The following RNF180 variants were observed in gnomAD, a reference collection of about 807,000 sequenced individuals.
RNF180 encodes ring finger protein 180.
In RNF180, 38 loss-of-function variants were observed where a neutral mutation model predicts 59.2. The ratio of observed to expected loss-of-function variants is 0.64; its 90% confidence interval spans 0.50 to 0.84. The LOEUF (loss-of-function observed/expected upper bound fraction) is 0.84. RNF180 is among the 40% of genes least tolerant of loss of function. The probability of loss-of-function intolerance (pLI) is 0.00; values close to 1 mark genes in which losing one functional copy is unlikely to be tolerated. For missense variants in RNF180, 705 were observed against 700.9 expected, an observed-to-expected ratio of 1.01 and a Z score of -0.07; for synonymous variants, 262 against 240.3, an observed-to-expected ratio of 1.09 and a Z score of -0.84.
chr5:64,321,930 ATGG>A (rs1402811898), intron 5 of RNF180, among the ~76,000 whole-genome samples: 1 of 152,216 alleles, frequency 6.6e-6, no homozygotes, highest in Non-Finnish European at 1.5e-5. Context: ...TGTTTAATAA[ATGG>A]TGCTTAGAAA....
intron 7 of RNF180, among the ~76,000 whole-genome samples, chr5:64,333,945 A>G (rs1354889742): frequency 6.6e-6 from 1 of 152,160 alleles, no homozygotes; most frequent in Admixed American, 6.5e-5. Flanking sequence ...GAAGGAGTTA[A>G]GCCTTTAATC....
chr5:64,294,152 A>G (rs1255965416), intron 5 of RNF180, among the ~76,000 whole-genome samples: 1 of 152,314 alleles, frequency 6.6e-6, no homozygotes, highest in East Asian at 1.9e-4. Context: ...TTAAAAATCA[A>G]TAATAACTGA....
At chr5:64,362,146 CAT>C (rs1246490315) in intron 7 of RNF180, among the ~76,000 whole-genome samples, 1 of 151,450 alleles carries the variant, frequency 6.6e-6, no homozygotes, top group Non-Finnish European at 1.5e-5. Flanking sequence ...TAGGTACACT[CAT>C]GTCACAAGGA....
At chr5:64,347,374 G>A (rs567210128) in intron 7 of RNF180, among the ~76,000 whole-genome samples, 3 of 152,280 alleles carry the variant, frequency 2.0e-5, no homozygotes, top group African/African-American at 7.2e-5. Context: ...AGTCCCAGAA[G>A]AAGAAAAGAA....
intron 5 of RNF180, among the ~76,000 whole-genome samples, chr5:64,301,095 A>G (rs1245320207): frequency 6.6e-6 from 1 of 151,704 alleles, no homozygotes; most frequent in South Asian, 2.1e-4. Flanking sequence ...GTACTGTAAT[A>G]TACACTGTAA....
chr5:64,200,867 T>C lies in RNF180; in HGVS notation c.60T>C (p.Leu20=), dbSNP rs1579987904. The change falls in exon 2 of 8, where the codon CTT becomes CTC. Residue 20 remains leucine (L), a synonymous_variant. Transcript: ENST00000389100. The part of the protein sequence containing the change: ...KNHSQEETSI[L]RCWKCRKCIA... ...ATAGTCAAGAGGAAACAAGTATTCT[T>C]CGTTGTTGGAAATGTAGAAAATGTA... 1.4e-5 allele frequency: 22 copies of C among 1,611,968 alleles called. No individual in the cohort carries two copies. The East Asian group carries it at 4.7e-4, about 34-fold the overall frequency.
intron 5 of RNF180, among the ~76,000 whole-genome samples, chr5:64,281,423 T>C (rs1310772886): frequency 6.6e-6 from 1 of 152,336 alleles, no homozygotes; most frequent in African/African-American, 2.4e-5. Context: ...TTCAGGATAA[T>C]GTTGGCTGTG....
chr5:64,319,425 T>C (rs931795860), intron 5 of RNF180, among the ~76,000 whole-genome samples: 2 of 152,156 alleles, frequency 1.3e-5, no homozygotes, highest in Admixed American at 1.3e-4. Flanking sequence ...TATTGTGATA[T>C]GCAGTGTGAT....
chr5:64,315,444 T>TG (rs1280757976), intron 5 of RNF180, among the ~76,000 whole-genome samples: 2 of 152,150 alleles, frequency 1.3e-5, no homozygotes, highest in Non-Finnish European at 2.9e-5. Context: ...ATTCAAATAA[T>TG]AACCAAGATG....
chr5:64,308,509 A>G (rs1743588872), intron 5 of RNF180, among the ~76,000 whole-genome samples: 1 of 151,760 alleles, frequency 6.6e-6, no homozygotes, highest in Non-Finnish European at 1.5e-5. Flanking sequence ...ATTATTTCAC[A>G]AAAGTGTAGC....
intron 7 of RNF180, among the ~76,000 whole-genome samples, chr5:64,358,709 T>C (rs1225084615): frequency 1.3e-5 from 2 of 151,686 alleles, no homozygotes; most frequent in Non-Finnish European, 2.9e-5. Context: ...GTTACATATG[T>C]ATACATGTGC....
chr5:64,291,663 A>G (rs202064191), intron 5 of RNF180, among the ~76,000 whole-genome samples: 1 of 151,536 alleles, frequency 6.6e-6, no homozygotes, highest in Non-Finnish European at 1.5e-5. Context: ...TCCTGACCTC[A>G]TGATCCACCC....
chr5:64,352,521 T>C (rs1238991997), intron 7 of RNF180, among the ~76,000 whole-genome samples: 1 of 152,122 alleles, frequency 6.6e-6, no homozygotes, highest in Non-Finnish European at 1.5e-5. Flanking sequence ...TCTTTCCTGC[T>C]TTCTCTTGTG....
chr5:64,271,464 C>T (rs910655416), intron 5 of RNF180, among the ~76,000 whole-genome samples: 4 of 152,028 alleles, frequency 2.6e-5, no homozygotes, highest in African/African-American at 9.7e-5. Context: ...TCCCATAAGA[C>T]AGTAACATTC....
intron 2 of RNF180, among the ~76,000 whole-genome samples, chr5:64,210,533 C>T (rs1457180770): frequency 2.0e-5 from 3 of 152,032 alleles, no homozygotes. Flanking sequence ...AAAAATAATT[C>T]TAGGGTGTTT....
chr5:64,188,642 T>C (rs1750985609), intron 1 of RNF180, among the ~76,000 whole-genome samples: 1 of 152,228 alleles, frequency 6.6e-6, no homozygotes, highest in South Asian at 2.1e-4. Flanking sequence ...CTAAGTTCTT[T>C]GGTCATTTCT....
intron 7 of RNF180, among the ~76,000 whole-genome samples, chr5:64,348,194 A>G (rs1745629795): frequency 1.3e-5 from 2 of 152,038 alleles, no homozygotes; most frequent in Admixed American, 1.3e-4. Context: ...ACTACATATA[A>G]ATATCCTTTT....
intron 2 of RNF180, among the ~76,000 whole-genome samples, chr5:64,205,662 A>G (rs1418284775): frequency 6.6e-6 from 1 of 152,152 alleles, no homozygotes; most frequent in Non-Finnish European, 1.5e-5. Flanking sequence ...ATCAGCATAT[A>G]AGTTTTAGGT....
intron 3 of RNF180, among the ~76,000 whole-genome samples, chr5:64,212,385 C>A (rs1470808918): frequency 1.3e-5 from 2 of 151,720 alleles, no homozygotes; most frequent in African/African-American, 4.8e-5. Context: ...ATATATGTTA[C>A]TTTTAAATAT....
Sources: allele counts gnomAD v4.1 joint callset (sites outside exome capture counted in the v4.1 genomes callset), GRCh38; gene constraint gnomAD v4.1.1; transcripts MANE v1.5; gene names NCBI Gene and HGNC (gene_info 2026-07-23, HGNC 2026-07-21).